FYN: variants seen among roughly 807,000 people sequenced by gnomAD.
FYN encodes tyrosine-protein kinase Fyn.
A neutral mutation model predicts 70.2 loss-of-function variants in FYN; 10 were observed. That is an observed-to-expected ratio of 0.14 (90% CI 0.09 to 0.24). FYN has a LOEUF of 0.24. Ranked by LOEUF, FYN falls within the 10% of genes least tolerant of loss-of-function variation. The pLI, the probability that FYN is intolerant of heterozygous loss-of-function variation, is 1.00. For missense variants in FYN, 319 were observed against 673.1 expected (o/e 0.47, Z 5.82); for synonymous variants, 236 against 248.6 (o/e 0.95, Z 0.48).
At chr6:111,758,356 T>C (rs1191740804) in intron 3 of FYN, among the ~76,000 whole-genome samples, 2 of 152,332 alleles carry the variant, frequency 1.3e-5, no homozygotes, top group East Asian at 1.9e-4. Context: ...AAAATACTAA[T>C]GATGTGCGTG....
chr6:111,783,744 T>C (rs1191495339), intron 2 of FYN, among the ~76,000 whole-genome samples: 1 of 152,238 alleles, frequency 6.6e-6, no homozygotes, highest in East Asian at 1.9e-4. Context: ...AGCCCCCATA[T>C]TTCTGCACCC....
At chr6:111,665,830 C>T (rs981634528) in intron 13 of FYN, among the ~76,000 whole-genome samples, 1 of 151,600 alleles carries the variant, frequency 6.6e-6, no homozygotes, top group African/African-American at 2.4e-5. Context: ...ACTATGTTGG[C>T]CAGGCTGGTC....
intron 3 of FYN, among the ~76,000 whole-genome samples, chr6:111,731,642 G>A (rs1801460768): frequency 6.6e-6 from 1 of 152,190 alleles, no homozygotes; most frequent in African/African-American, 2.4e-5. Flanking sequence ...GCTTCTTGCA[G>A]CTGTTTTGGT....
intron 3 of FYN, among the ~76,000 whole-genome samples, chr6:111,732,821 C>A (rs532544569): frequency 1.3e-5 from 2 of 152,294 alleles, no homozygotes; most frequent in African/African-American, 4.8e-5. Flanking sequence ...GGCAACCCAA[C>A]AGGGAACAGC....
At position 111,798,164 on chromosome 6, in the gene FYN, T is replaced by C. The variant is rs570039522; in HGVS notation, c.-81-17529A>G. Among the ~76,000 whole-genome samples the C allele has an allele frequency of 4.7e-3, 711 of 152,222 alleles. 8 individuals are homozygous for C. Among genetic ancestry groups the C allele is most frequent in the African/African-American group, 0.014 (569 of 41,540 alleles). On this transcript the variant is annotated intron_variant, in intron 2 of 13. Coordinates refer to ENST00000354650, the MANE Select transcript of FYN (RefSeq NM_002037.5). ...CTTACCAAATTTTCTACAAGTAAAA[T>C]TTTAAAGTCAGGAAAAAAAAGTTAT...
intron 2 of FYN, among the ~76,000 whole-genome samples, chr6:111,812,992 C>G (rs554933706): frequency 3.3e-5 from 5 of 152,208 alleles, no homozygotes; most frequent in Admixed American, 6.5e-5. Context: ...ACTCATCTTT[C>G]TAGTTCCTCA....
chr6:111,742,843 C>T (rs1442105511), intron 3 of FYN, among the ~76,000 whole-genome samples: 1 of 152,180 alleles, frequency 6.6e-6, no homozygotes, highest in Non-Finnish European at 1.5e-5. Context: ...GTGACAAGGT[C>T]CCCATGCCTA....
intron 2 of FYN, among the ~76,000 whole-genome samples, chr6:111,820,409 G>A (rs1323880031): frequency 2.0e-5 from 3 of 152,122 alleles, no homozygotes; most frequent in Admixed American, 6.6e-5. Flanking sequence ...TAAATGGTGT[G>A]CAGAATTCTC....
chr6:111,841,112 T>G (rs553648277), intron 2 of FYN, among the ~76,000 whole-genome samples: 2 of 152,328 alleles, frequency 1.3e-5, no homozygotes, highest in South Asian at 4.1e-4. Flanking sequence ...TCCCCAAGTC[T>G]GGGAACCAGC....
At chr6:111,766,076 A>C (rs1347436226) in intron 3 of FYN, among the ~76,000 whole-genome samples, 1 of 152,194 alleles carries the variant, frequency 6.6e-6, no homozygotes, top group Non-Finnish European at 1.5e-5. Context: ...TATATGTGTA[A>C]AAAGGGAAAA....
intron 1 of FYN, among the ~76,000 whole-genome samples, chr6:111,850,463 C>T (rs1008488795): frequency 6.6e-6 from 1 of 152,200 alleles, no homozygotes; most frequent in Non-Finnish European, 1.5e-5. Flanking sequence ...AAGTGAGAAC[C>T]TCAGAACCGT....
chr6:111,703,435 A>G (rs973378660), intron 7 of FYN, among the ~76,000 whole-genome samples: 4 of 152,194 alleles, frequency 2.6e-5, no homozygotes, highest in African/African-American at 9.7e-5. Context: ...AGCATGTGCA[A>G]AAGAAATCTA....
intron 1 of FYN, among the ~76,000 whole-genome samples, chr6:111,865,919 A>C (rs1005881362): frequency 1.3e-5 from 2 of 152,190 alleles, no homozygotes; most frequent in African/African-American, 4.8e-5. Flanking sequence ...TTCTTACTAA[A>C]AATGCTGTTT....
At chr6:111,706,321 T>C (rs891785613) in intron 6 of FYN, among the ~76,000 whole-genome samples, 2 of 152,232 alleles carry the variant, frequency 1.3e-5, no homozygotes, top group Non-Finnish European at 2.9e-5. Context: ...TGTGAAAGAA[T>C]CCAGATTCTA....
chr6:111,782,711 C>T (rs1771220791), intron 2 of FYN, among the ~76,000 whole-genome samples: 1 of 152,196 alleles, frequency 6.6e-6, no homozygotes, highest in African/African-American at 2.4e-5. Context: ...GTAGCAGATA[C>T]TCTCTCAACC....
At chr6:111,815,557 A>C (rs1772460328) in intron 2 of FYN, among the ~76,000 whole-genome samples, 1 of 152,162 alleles carries the variant, frequency 6.6e-6, no homozygotes, top group South Asian at 2.1e-4. Context: ...CTGAGATTCA[A>C]AATGCTGTAC....
intron 2 of FYN, among the ~76,000 whole-genome samples, chr6:111,816,880 G>A (rs746263198): frequency 7.2e-5 from 11 of 152,162 alleles, no homozygotes; most frequent in Non-Finnish European, 1.6e-4. Flanking sequence ...AGAAAAATCA[G>A]CAATAACCTA....
At chr6:111,827,134 GAGA>G (rs1247283310) in intron 2 of FYN, among the ~76,000 whole-genome samples, 1 of 152,164 alleles carries the variant, frequency 6.6e-6, no homozygotes, top group African/African-American at 2.4e-5. Flanking sequence ...GAGAGTCAGA[GAGA>G]AGAAGCTGTA....
chr6:111,674,456 A>T, intron 13 of FYN, 43 bp downstream of exon 13: 1 of 1,566,976 alleles, frequency 6.4e-7, no homozygotes, highest in South Asian at 1.2e-5. Flanking sequence ...GTGTCAAAAA[A>T]GCCTCCAATC....
Sources: gnomAD v4.1 joint callset for allele counts (sites outside exome capture counted in the v4.1 genomes callset) on GRCh38, gnomAD v4.1.1 for gene constraint, MANE v1.5 for transcripts, NCBI Gene and HGNC (gene_info 2026-07-23, HGNC 2026-07-21) for gene names.